Variants in ATP9B observed in about 807,000 individuals in gnomAD.
The protein encoded by ATP9B is probable phospholipid-transporting ATPase IIB.
In ATP9B, 110 loss-of-function variants were observed where a neutral mutation model predicts 146.1. The observed-to-expected ratio is 0.75, with a 90% CI of 0.65 to 0.88. The LOEUF (loss-of-function observed/expected upper bound fraction) is 0.88, where lower values mean the gene tolerates loss of function less well. Ranked by LOEUF, ATP9B falls within the 40% of genes least tolerant of loss-of-function variation. The pLI, the probability that ATP9B is intolerant of heterozygous loss-of-function variation, is 0.00. For missense variants in ATP9B, 1,499 were observed against 1,496.4 expected (o/e 1.00, Z -0.03); for synonymous variants, 604 against 569.7 (o/e 1.06, Z -0.86).
chr18:79,302,292 C>T (rs138874491), intron 13 of ATP9B, among the ~76,000 whole-genome samples: 246 of 152,236 alleles, frequency 1.6e-3, no homozygotes, highest in African/African-American at 4.7e-3. Context: ...CCACCCTCCC[C>T]GGGGACAAGG....
intron 11 of ATP9B, among the ~76,000 whole-genome samples, chr18:79,246,765 G>GGT (rs1221495923): frequency 6.6e-6 from 1 of 152,196 alleles, no homozygotes; most frequent in African/African-American, 2.4e-5. Context: ...GCCTATGGGA[G>GGT]GTGTGAGTAC....
chr18:79,207,015 A>G lies in ATP9B; in HGVS notation c.1030+3A>G. 1.2e-6 allele frequency: 2 copies of G among 1,613,058 alleles called. No individual in the cohort carries two copies. Among genetic ancestry groups the G allele is most frequent in the Middle Eastern group, 1.6e-4 (1 of 6,062 alleles). ...GGCAAGCACCATTGTTGCATCAGGT[A>G]AGGAAAACATTCTCCTCTGAGTGTG... On this transcript the variant is annotated splice_donor_region_variant and intron_variant, in intron 10 of 29. Coordinates refer to ENST00000426216, the MANE Select transcript of ATP9B (RefSeq NM_198531.5).
intron 11 of ATP9B, among the ~76,000 whole-genome samples, chr18:79,246,414 A>T (rs1479085578): frequency 2.6e-5 from 4 of 152,172 alleles, no homozygotes; most frequent in Admixed American, 6.5e-5. Flanking sequence ...CGCCCTACTG[A>T]CTGTGCACAG....
At chr18:79,165,002 A>T (rs1437910137) in intron 7 of ATP9B, among the ~76,000 whole-genome samples, 1 of 152,174 alleles carries the variant, frequency 6.6e-6, no homozygotes, top group African/African-American at 2.4e-5. Context: ...CCATGTGAAG[A>T]TCTGTTCTTA....
intron 26 of ATP9B, among the ~76,000 whole-genome samples, chr18:79,371,463 T>C (rs1031724597): frequency 6.7e-6 from 1 of 150,048 alleles, no homozygotes; most frequent in Non-Finnish European, 1.5e-5. Flanking sequence ...GTGTGAGGGC[T>C]CAAGCTCCGT....
rs764555361 is a variant in ATP9B, at chr18:79,096,524, G to A, written c.168G>A (p.Met56Ile). Residue 56 changes from methionine (M) to isoleucine (I), a missense_variant, in exon 2 of 30, where the codon ATG becomes ATA. Physicochemically the swap from Met to Ile is conservative, Grantham distance 10 (BLOSUM62 1). Coordinates refer to ENST00000426216, the MANE Select transcript of ATP9B (RefSeq NM_198531.5). ...ESAHLDEMPL[M>I]MSEEGFENEE... The stretch of plus-strand genomic sequence containing the variant: ...CGCATTTGGATGAAATGCCACTAAT[G>A]ATGTCTGAAGAAGGCTTTGAGAATG... The A allele has an allele frequency of 6.2e-7, 1 of 1,614,034 alleles. No individual in the cohort carries two copies. Among genetic ancestry groups the A allele is most frequent in the South Asian group, 1.1e-5 (1 of 91,076 alleles).
At chr18:79,112,761 T>A (rs1254915385) in intron 3 of ATP9B, among the ~76,000 whole-genome samples, 1 of 152,094 alleles carries the variant, frequency 6.6e-6, no homozygotes, top group Non-Finnish European at 1.5e-5. Context: ...AAAAAGTGGC[T>A]ATTTATTTGT....
Position 79,264,250 on chromosome 18 carries a change from A to G in ATP9B, c.1268+10709A>G, listed in dbSNP as rs1278473890. Among the ~76,000 whole-genome samples the G allele has an allele frequency of 2.6e-5, 4 of 152,348 alleles. No homozygotes were observed. In the South Asian group the frequency reaches 8.3e-4, roughly 32 times the overall value. On this transcript the variant is annotated intron_variant, in intron 12 of 29. Transcript: ENST00000426216. The stretch of plus-strand genomic sequence containing the variant: ...GTTCACATCCTCAGCAACACTTAAT[A>G]TAAGTGGGCTTCTCATTGCAGTTTT...
At chr18:79,110,979 T>C (rs1446060288) in intron 3 of ATP9B, among the ~76,000 whole-genome samples, 2 of 152,220 alleles carry the variant, frequency 1.3e-5, no homozygotes, top group African/African-American at 2.4e-5. Flanking sequence ...TATTTATATA[T>C]AGATGTCTTT....
intron 17 of ATP9B, among the ~76,000 whole-genome samples, chr18:79,335,536 T>C (rs557169597): frequency 6.6e-6 from 1 of 152,342 alleles, no homozygotes; most frequent in South Asian, 2.1e-4. Context: ...GGCATTTCCA[T>C]GTCTTGCTTT....
intron 13 of ATP9B, among the ~76,000 whole-genome samples, chr18:79,296,610 A>G (rs1369552796): frequency 6.6e-6 from 1 of 152,244 alleles, no homozygotes; most frequent in East Asian, 1.9e-4. Flanking sequence ...TTCCACACAG[A>G]AAATATTTTC....
At chr18:79,192,346 G>A (rs918660400) in intron 8 of ATP9B, among the ~76,000 whole-genome samples, 1 of 152,110 alleles carries the variant, frequency 6.6e-6, no homozygotes, top group Non-Finnish European at 1.5e-5. Flanking sequence ...ATGGGTTGGG[G>A]GGCGGGTCAC....
At chr18:79,087,789 C>T (rs1184338223) in intron 1 of ATP9B, 4 of 152,008 alleles carry the variant, frequency 2.6e-5, no homozygotes, top group Non-Finnish European at 1.5e-5. Context: ...TTTTTTGAAA[C>T]CTTTGGCTGC....
intron 17 of ATP9B, among the ~76,000 whole-genome samples, chr18:79,331,805 T>C (rs1403359999): frequency 2.0e-5 from 3 of 152,146 alleles, no homozygotes; most frequent in African/African-American, 7.2e-5. Context: ...TGAACAGACT[T>C]AAAATAGTGA....
intron 13 of ATP9B, among the ~76,000 whole-genome samples, chr18:79,293,155 T>C (rs2096523930): frequency 6.6e-6 from 1 of 150,686 alleles, no homozygotes; most frequent in East Asian, 1.9e-4. Flanking sequence ...ATGCAAAAAA[T>C]GAAGTTGGAT....
intron 12 of ATP9B, chr18:79,255,228 C>G (rs1021251170): frequency 6.6e-6 from 1 of 152,170 alleles, no homozygotes; most frequent in African/African-American, 2.4e-5. Flanking sequence ...CAAAATACCC[C>G]CCGCCCACTG....
chr18:79,110,384 G>T lies in ATP9B; in HGVS notation c.323G>T (p.Arg108Leu). ...SCCGWLINICRRKKELKARTV... is the reference protein window; with the variant it reads ...SCCGWLINICLRKKELKARTV... ...TGTGGTTGGCTGATAAATATTTGTC[G>T]AAGAAAGAAAGAGCTGAAAGCTCGC... The change falls in exon 3 of 30, where the codon CGA (arginine) becomes CTA (leucine). Residue 108 changes from arginine (R) to leucine (L), a missense_variant. Transcript: ENST00000426216. 6.2e-7 allele frequency: 1 copy of T among 1,604,912 alleles called. No homozygotes were observed. The highest frequency in any genetic ancestry group is 8.5e-7 in the Non-Finnish European group (1 of 1,174,864).
intron 7 of ATP9B, chr18:79,173,875 A>C: frequency 2.5e-6 from 1 of 399,480 alleles, no homozygotes; most frequent in Middle Eastern, 3.6e-4. Flanking sequence ...TCTTGCCTAT[A>C]TCTTTAAAGA....
chr18:79,312,445 C>T (rs1321648787), intron 15 of ATP9B, among the ~76,000 whole-genome samples: 3 of 152,230 alleles, frequency 2.0e-5, no homozygotes, highest in Non-Finnish European at 2.9e-5. Context: ...AGCCTGACAT[C>T]CCTTGGCTGC....
Sources: allele counts gnomAD v4.1 joint callset (sites outside exome capture counted in the v4.1 genomes callset), GRCh38; gene constraint gnomAD v4.1.1; transcripts MANE v1.5; gene names NCBI Gene and HGNC (gene_info 2026-07-23, HGNC 2026-07-21).